The following EPB41L4A variants were observed in gnomAD, a reference collection of about 807,000 sequenced individuals.
EPB41L4A encodes erythrocyte membrane protein band 4.1 like 4A, also known as band 4.1-like protein 4A.
EPB41L4A carries 100 observed loss-of-function variants against 108.6 expected under a neutral mutation model. That is an observed-to-expected ratio of 0.92 (90% confidence interval 0.78 to 1.09). EPB41L4A has a LOEUF of 1.09. Ranked by LOEUF, EPB41L4A falls within the 50% of genes least tolerant of loss-of-function variation. The pLI, the probability that EPB41L4A is intolerant of heterozygous loss-of-function variation, is 0.00. For synonymous variants in EPB41L4A, 319 were observed against 289.0 expected, an observed-to-expected ratio of 1.10 and a Z score of -1.05; for missense variants, 1,030 against 842.7, an observed-to-expected ratio of 1.22 and a Z score of -2.75.
chr5:112,270,315 T>C (rs1302815666), intron 4 of EPB41L4A, among the ~76,000 whole-genome samples: 5 of 152,110 alleles, frequency 3.3e-5, no homozygotes, highest in African/African-American at 1.2e-4. Context: ...CAGGAGAACC[T>C]AGAGGAGAGT....
At chr5:112,223,335 A>G (rs147356657) in intron 12 of EPB41L4A, among the ~76,000 whole-genome samples, 2 of 152,184 alleles carry the variant, frequency 1.3e-5, no homozygotes, top group African/African-American at 2.4e-5. Flanking sequence ...TTTAACATTG[A>G]TATTAATAAG....
chr5:112,342,319 A>G (rs1249348761), intron 1 of EPB41L4A, among the ~76,000 whole-genome samples: 5 of 152,306 alleles, frequency 3.3e-5, no homozygotes, highest in African/African-American at 1.2e-4. Context: ...AATTACAGAA[A>G]CATGAAATTT....
intron 1 of EPB41L4A, among the ~76,000 whole-genome samples, chr5:112,395,953 C>T (rs1761307506): frequency 6.6e-6 from 1 of 152,124 alleles, no homozygotes; most frequent in Admixed American, 6.5e-5. Flanking sequence ...TTTGTAGGGA[C>T]ATAAATGAAG....
chr5:112,377,372 C>T (rs1759887010), intron 1 of EPB41L4A, among the ~76,000 whole-genome samples: 1 of 152,120 alleles, frequency 6.6e-6, no homozygotes, highest in Non-Finnish European at 1.5e-5. Flanking sequence ...CACAGGATCT[C>T]TCTGTATGGT....
Position 112,307,493 on chromosome 5 carries a change from G to GC in EPB41L4A, c.100-4dup. Reference sequence around the variant, plus strand: ...ACAACGGAACCTTTCGTTGACTTCTGCAAAAATAATTCAGTTTTATATTTT... The same window carrying GC: ...ACAACGGAACCTTTCGTTGACTTCTGCCAAAAATAATTCAGTTTTATATTTT... On this transcript the variant is annotated splice_region_variant and splice_polypyrimidine_tract_variant and intron_variant, in intron 1 of 22. Coordinates refer to ENST00000261486, the MANE Select transcript of EPB41L4A (RefSeq NM_022140.5). 1 of 1,603,408 alleles carries GC rather than the reference G, an allele frequency of 6.2e-7. No individual in the cohort carries two copies. The highest frequency in any genetic ancestry group is 8.5e-7 in the Non-Finnish European group (1 of 1,171,008).
At chr5:112,382,140 C>G (rs146652155) in intron 1 of EPB41L4A, among the ~76,000 whole-genome samples, 1,774 of 152,292 alleles carry the variant, frequency 0.012, 26 homozygotes, top group South Asian at 0.038. Flanking sequence ...TCCATTCTGG[C>G]TTTTAAAATT....
At chr5:112,228,691 G>A (rs1458653221) in intron 12 of EPB41L4A, 1 of 984,934 alleles carries the variant, frequency 1.0e-6, no homozygotes, top group Non-Finnish European at 1.2e-6. Context: ...GATCTCCTTT[G>A]ACAGGAATCC....
chr5:112,356,499 C>T (rs1408324476), intron 1 of EPB41L4A, among the ~76,000 whole-genome samples: 1 of 152,214 alleles, frequency 6.6e-6, no homozygotes, highest in Non-Finnish European at 1.5e-5. Flanking sequence ...TAGCCTCTAG[C>T]ACCTGATATG....
chr5:112,392,062 C>T (rs1760981360), intron 1 of EPB41L4A, among the ~76,000 whole-genome samples: 1 of 152,098 alleles, frequency 6.6e-6, no homozygotes, highest in Non-Finnish European at 1.5e-5. Context: ...CTTACAAGAG[C>T]TCCTGAAGGA....
chr5:112,412,022 C>G (rs1288021060), intron 1 of EPB41L4A, among the ~76,000 whole-genome samples: 1 of 152,182 alleles, frequency 6.6e-6, no homozygotes, highest in Non-Finnish European at 1.5e-5. Flanking sequence ...TAGTCCCCCT[C>G]AAGATGAGGA....
At chr5:112,358,009 G>C (rs1451728954) in intron 1 of EPB41L4A, among the ~76,000 whole-genome samples, 17 of 152,206 alleles carry the variant, frequency 1.1e-4, no homozygotes, top group Admixed American at 1.1e-3. Context: ...TGACCATGGT[G>C]GAAAGAGTGG....
upstream of EPB41L4A, chr5:112,419,336 C>T (rs1219329170): frequency 3.0e-6 from 1 of 334,748 alleles, no homozygotes; most frequent in Non-Finnish European, 5.5e-6. Context: ...CCTCCGAAGG[C>T]GGGGGCGCGG....
At chr5:112,294,848 T>G (rs1332516565) in intron 2 of EPB41L4A, among the ~76,000 whole-genome samples, 1 of 152,154 alleles carries the variant, frequency 6.6e-6, no homozygotes, top group Non-Finnish European at 1.5e-5. Flanking sequence ...TTGTAAACCA[T>G]GTTTAGGAGT....
rs1762658031 is a variant in EPB41L4A at position 112,209,997 on chromosome 5, G to C, written c.1088-15C>G. The C allele has an allele frequency of 7.0e-7, 1 of 1,438,294 alleles. No individual in the cohort carries two copies. The highest frequency in any genetic ancestry group is 9.7e-7 in the Non-Finnish European group (1 of 1,030,654). 89.1% of individuals were successfully genotyped at this position (1,438,294 alleles called of 1,614,324 possible). The stretch of plus-strand genomic sequence containing the variant: ...GCTGTTTGATTCTAGCAGAGGAGGA[G>C]AAGGAAAGATGGAAGAGAGAGGAAA... On this transcript the variant is annotated splice_polypyrimidine_tract_variant and intron_variant, in intron 12 of 22. Transcript: ENST00000261486.
At chr5:112,349,811 C>G (rs1311155076) in intron 1 of EPB41L4A, among the ~76,000 whole-genome samples, 1 of 152,120 alleles carries the variant, frequency 6.6e-6, no homozygotes, top group African/African-American at 2.4e-5. Flanking sequence ...GAGAGGGTGA[C>G]ATTTACGGAC....
At chr5:112,151,546 C>T (rs1759470199) in intron 12 of EPB41L4A, among the ~76,000 whole-genome samples, 1 of 151,644 alleles carries the variant, frequency 6.6e-6, no homozygotes, top group African/African-American at 2.4e-5. Flanking sequence ...TAGCTGGGAC[C>T]ACAGGTGTGT....
chr5:112,176,573 A>C (rs1262429394), intron 18 of EPB41L4A, among the ~76,000 whole-genome samples: 1 of 151,966 alleles, frequency 6.6e-6, no homozygotes. Flanking sequence ...CTCACACTAC[A>C]AATCTGTCAG....
In EPB41L4A at chr5:112,164,920, A is replaced by G. The variant is rs1760138725; in HGVS notation, c.*70T>C. The stretch of plus-strand genomic sequence containing the variant: ...GTCTGAGATTTGAATTAAGATACCT[A>G]TTTCACAGTTTCAAAAGTACCAGTG... On this transcript the variant is annotated 3_prime_UTR_variant, in exon 23 of 23. Transcript: ENST00000261486. 1.4e-6 allele frequency: 2 copies of G among 1,419,014 alleles called. No individual in the cohort carries two copies. The highest frequency in any genetic ancestry group is 1.9e-6 in the Non-Finnish European group (2 of 1,064,782). The allele number at this position is 1,419,014 out of a possible 1,614,324, so 87.9% of individuals were successfully genotyped here. A position where few individuals can be genotyped will look rare whatever the true frequency, so the allele number is the denominator to read the frequency against.
At chr5:112,353,861 G>A (rs879088513) in intron 1 of EPB41L4A, among the ~76,000 whole-genome samples, 1 of 152,120 alleles carries the variant, frequency 6.6e-6, no homozygotes, top group Admixed American at 6.5e-5. Context: ...AGGCAATCCC[G>A]AGGCCCCTGC....
Sources: gnomAD v4.1 joint callset for allele counts (sites outside exome capture counted in the v4.1 genomes callset) on GRCh38, gnomAD v4.1.1 for gene constraint, MANE v1.5 for transcripts, NCBI Gene and HGNC (gene_info 2026-07-23, HGNC 2026-07-21) for gene names.